SH3BGRL2: variants seen among roughly 807,000 people sequenced by gnomAD.
SH3BGRL2 encodes the protein SH3 domain-binding glutamic acid-rich-like protein 2.
Under a neutral mutation model 14.8 loss-of-function variants are expected in SH3BGRL2, and 21 were observed. That is an observed-to-expected ratio of 1.42 (90% CI 1.01 to 2.05). The LOEUF (loss-of-function observed/expected upper bound fraction) is 2.05, where lower values mean the gene tolerates loss of function less well. SH3BGRL2 is among the 30% of genes most tolerant of loss of function. The pLI, the probability that SH3BGRL2 is intolerant of heterozygous loss-of-function variation, is 0.00. For missense variants in SH3BGRL2, 147 were observed against 130.8 expected, an observed-to-expected ratio of 1.12 and a Z score of -0.61; for synonymous variants, 50 against 47.8, an observed-to-expected ratio of 1.05 and a Z score of -0.19.
the SH3BGRL2 span, among the ~76,000 whole-genome samples, chr6:79,553,809 A>C: frequency 3.9e-5 from 6 of 152,074 alleles, no homozygotes; most frequent in East Asian, 1.2e-3. Flanking sequence ...CCGTCTCTAC[A>C]AAAAATACAA....
chr6:79,687,743 T>A (rs968549512), intron 2 of SH3BGRL2, among the ~76,000 whole-genome samples: 1 of 152,220 alleles, frequency 6.6e-6, no homozygotes, highest in African/African-American at 2.4e-5. Flanking sequence ...TCTTAAAAAA[T>A]TGCTTTTTAA....
At chr6:79,699,276 T>C (rs1447624376) in intron 3 of SH3BGRL2, among the ~76,000 whole-genome samples, 1 of 152,066 alleles carries the variant, frequency 6.6e-6, no homozygotes, top group African/African-American at 2.4e-5. Context: ...TGCGGCTTTC[T>C]TTCCACTTTT....
chr6:79,699,706 ATT>A lies in SH3BGRL2; in HGVS notation c.*206_*207del. The A allele has an allele frequency of 1.5e-6, 1 of 661,696 alleles. No individual in the cohort carries two copies. Among genetic ancestry groups the A allele is most frequent in the Non-Finnish European group, 2.2e-6 (1 of 448,378 alleles). The allele number at this position is 661,696 out of a possible 1,614,324, so 41.0% of individuals were successfully genotyped here. A position where few individuals can be genotyped will look rare whatever the true frequency, so the allele number is the denominator to read the frequency against. On this transcript the variant is annotated 3_prime_UTR_variant, in exon 4 of 4. Transcript: ENST00000369838. ...TGCTTTAAACCAAATCAGGTGGTGG[ATT>A]TTTTTTTTCTTATTCTATTTGCCTG...
At chr6:79,616,317 C>T in the SH3BGRL2 span, among the ~76,000 whole-genome samples, 7 of 152,168 alleles carry the variant, frequency 4.6e-5, no homozygotes, top group Admixed American at 3.3e-4. Flanking sequence ...CATTATAATC[C>T]TGCATGTGGC....
intron 1 of SH3BGRL2, among the ~76,000 whole-genome samples, chr6:79,651,192 A>C (rs1426552281): frequency 6.6e-6 from 1 of 152,156 alleles, no homozygotes; most frequent in African/African-American, 2.4e-5. Flanking sequence ...TTGTCTATAG[A>C]AAATACTATC....
At chr6:79,645,566 G>T (rs1044492292) in intron 1 of SH3BGRL2, among the ~76,000 whole-genome samples, 3 of 152,078 alleles carry the variant, frequency 2.0e-5, no homozygotes, top group Non-Finnish European at 4.4e-5. Flanking sequence ...TTGTTACTGA[G>T]CTTGTATATT....
chr6:79,656,668 A>G (rs1012366804), intron 1 of SH3BGRL2, among the ~76,000 whole-genome samples: 8 of 152,244 alleles, frequency 5.3e-5, no homozygotes, highest in Admixed American at 3.3e-4. Context: ...ACCACTATTT[A>G]CATAGCATTC....
intron 1 of SH3BGRL2, among the ~76,000 whole-genome samples, chr6:79,660,375 T>A (rs1278443572): frequency 1.3e-5 from 2 of 152,224 alleles, no homozygotes; most frequent in East Asian, 3.8e-4. Flanking sequence ...GTCAAATGCC[T>A]TTTTGCATCT....
At chr6:79,689,045 T>C (rs1770157446) in intron 2 of SH3BGRL2, among the ~76,000 whole-genome samples, 1 of 152,126 alleles carries the variant, frequency 6.6e-6, no homozygotes, top group Non-Finnish European at 1.5e-5. Context: ...ACCTAAAACA[T>C]GGCGTGTCAT....
chr6:79,580,318 C>G, the SH3BGRL2 span, among the ~76,000 whole-genome samples: 1 of 152,184 alleles, frequency 6.6e-6, no homozygotes, highest in Non-Finnish European at 1.5e-5. Context: ...GAACTCTTCA[C>G]CCCAAATCAA....
the SH3BGRL2 span, among the ~76,000 whole-genome samples, chr6:79,559,679 A>G: frequency 6.6e-6 from 1 of 152,326 alleles, no homozygotes; most frequent in South Asian, 2.1e-4. Context: ...GCGTTACATC[A>G]ATGACAAATG....
chr6:79,653,370 G>A (rs1158106791), intron 1 of SH3BGRL2, among the ~76,000 whole-genome samples: 1 of 152,006 alleles, frequency 6.6e-6, no homozygotes. Context: ...TAAATCATCT[G>A]ATTATCTCCA....
the SH3BGRL2 span, among the ~76,000 whole-genome samples, chr6:79,571,944 A>T: frequency 6.6e-6 from 1 of 152,178 alleles, no homozygotes; most frequent in Non-Finnish European, 1.5e-5. Context: ...TTAGACTTTC[A>T]GAAAAGTTGC....
the SH3BGRL2 span, among the ~76,000 whole-genome samples, chr6:79,559,509 A>G: frequency 1.3e-5 from 2 of 152,332 alleles, no homozygotes; most frequent in East Asian, 3.9e-4. Flanking sequence ...TATAAAAGAC[A>G]AAGAAAAACT....
At chr6:79,619,337 C>T in the SH3BGRL2 span, among the ~76,000 whole-genome samples, 1 of 151,670 alleles carries the variant, frequency 6.6e-6, no homozygotes, top group African/African-American at 2.4e-5. Context: ...TTTTTTTTTC[C>T]TCACTAACAA....
chr6:79,636,204 G>C (rs1264887059), intron 1 of SH3BGRL2, among the ~76,000 whole-genome samples: 1 of 152,174 alleles, frequency 6.6e-6, no homozygotes, highest in Non-Finnish European at 1.5e-5. Context: ...ATACTCAGGT[G>C]GGGGGACCTT....
intron 1 of SH3BGRL2, among the ~76,000 whole-genome samples, chr6:79,644,808 T>C (rs1448086174): frequency 6.6e-6 from 1 of 152,186 alleles, no homozygotes; most frequent in Non-Finnish European, 1.5e-5. Context: ...TTTTTCAACT[T>C]TAAATGAGCT....
chr6:79,562,656 C>G, the SH3BGRL2 span, among the ~76,000 whole-genome samples: 2 of 152,186 alleles, frequency 1.3e-5, no homozygotes, highest in Non-Finnish European at 2.9e-5. Context: ...CACAAGAATT[C>G]AGGAAGAAAT....
the SH3BGRL2 span, among the ~76,000 whole-genome samples, chr6:79,601,919 A>G: frequency 6.7e-6 from 1 of 149,264 alleles, no homozygotes; most frequent in Non-Finnish European, 1.5e-5. Context: ...GAAAAAAATC[A>G]AGCTCCCCAC....
Sources: allele counts gnomAD v4.1 joint callset (sites outside exome capture counted in the v4.1 genomes callset), GRCh38; gene constraint gnomAD v4.1.1; transcripts MANE v1.5; gene names NCBI Gene and HGNC (gene_info 2026-07-23, HGNC 2026-07-21).